The following SLC39A14 variants were observed in gnomAD, a reference collection of about 807,000 sequenced individuals.
The protein encoded by SLC39A14 is metal cation symporter ZIP14.
Under a neutral mutation model 45.5 loss-of-function variants are expected in SLC39A14, and 19 were observed. The ratio of observed to expected loss-of-function variants is 0.42; its 90% CI spans 0.29 to 0.61. SLC39A14 has a LOEUF of 0.61. Ranked by LOEUF, SLC39A14 falls within the 20% of genes least tolerant of loss-of-function variation. SLC39A14 has a pLI of 0.22. For synonymous variants in SLC39A14, 264 were observed against 251.3 expected (o/e 1.05, Z -0.48); for missense variants, 447 against 616.5 (o/e 0.73, Z 2.91).
At chr8:22,398,602 T>C in intron 1 of SLC39A14, 1 of 422,732 alleles carries the variant, frequency 2.4e-6, no homozygotes, top group Non-Finnish European at 3.2e-6. Context: ...TGAGGCCTTG[T>C]TGGTTTCTGT....
At chr8:22,429,646 A>C (rs1167893742) in intron 8 of SLC39A14, among the ~76,000 whole-genome samples, 1 of 152,222 alleles carries the variant, frequency 6.6e-6, no homozygotes, top group Non-Finnish European at 1.5e-5. Flanking sequence ...GAGGTAGACG[A>C]GAAGGGAATG....
rs1029764680 is a variant in SLC39A14, at chr8:22,415,657, G to A, written c.751-112G>A. 197 of 968,298 alleles carry A rather than the reference G, an allele frequency of 2.0e-4. 2 individuals carry two copies. The Middle Eastern group carries it at 2.2e-3, about 11-fold the overall frequency. The allele number at this position is 968,298 out of a possible 1,614,324, so 60.0% of individuals were successfully genotyped here. ...CACGTGACCTGCTTGTGTCATCTTC[G>A]ATGGTAAGGCTGAGGTCTTCCAGTG... On this transcript the variant is annotated intron_variant, in intron 5 of 8. Transcript: ENST00000381237.
At chr8:22,381,385 C>T (rs1176532529) in intron 1 of SLC39A14, among the ~76,000 whole-genome samples, 1 of 152,156 alleles carries the variant, frequency 6.6e-6, no homozygotes, top group Non-Finnish European at 1.5e-5. Flanking sequence ...ATTCTCCTGC[C>T]TCAGCCTCCC....
intron 8 of SLC39A14, among the ~76,000 whole-genome samples, chr8:22,430,185 C>G (rs1469288684): frequency 6.6e-6 from 1 of 151,450 alleles, no homozygotes; most frequent in Non-Finnish European, 1.5e-5. Flanking sequence ...ACTGCAGCTT[C>G]AAACTCCTGG....
intron 1 of SLC39A14, among the ~76,000 whole-genome samples, chr8:22,385,610 C>G (rs1184062412): frequency 2.0e-5 from 3 of 152,120 alleles, no homozygotes; most frequent in Non-Finnish European, 4.4e-5. Context: ...GTGGCTGGAG[C>G]CCAGTGAGTG....
In SLC39A14 at chr8:22,421,792, A is replaced by G. The variant is rs888688247; in HGVS notation, c.*2094A>G. The G allele has an allele frequency of 1.0e-6, 1 of 983,832 alleles. No individual in the cohort carries two copies. The highest frequency in any genetic ancestry group is 1.2e-6 in the Non-Finnish European group (1 of 828,428). The allele number at this position is 983,832 out of a possible 1,614,324, so 60.9% of individuals were successfully genotyped here. ...TGGAGTAGAATACTAAGTTAGAGTTAGTGGATTTCTAGTTTAGGAGAGGAG... is the reference window on the plus strand; with the variant it reads ...TGGAGTAGAATACTAAGTTAGAGTTGGTGGATTTCTAGTTTAGGAGAGGAG... On this transcript the variant is annotated 3_prime_UTR_variant, in exon 9 of 9. Transcript: ENST00000381237.
chr8:22,411,487 T>G (rs1835563546), intron 3 of SLC39A14, among the ~76,000 whole-genome samples: 1 of 152,252 alleles, frequency 6.6e-6, no homozygotes, highest in Non-Finnish European at 1.5e-5. Context: ...GGTTGTGTCT[T>G]GCACAAAGCA....
rs182753747 is a variant in SLC39A14, at chr8:22,401,409, T to A, written c.-15-3287T>A. Among the ~76,000 whole-genome samples the A allele has an allele frequency of 2.6e-5, 4 of 152,306 alleles. No individual in the cohort carries two copies. The East Asian group carries it at 7.7e-4, about 29-fold the overall frequency. On this transcript the variant is annotated intron_variant, in intron 1 of 8. Coordinates refer to ENST00000381237, the MANE Select transcript of SLC39A14 (RefSeq NM_001128431.4). The stretch of plus-strand genomic sequence containing the variant: ...GAGACTCATTTTCCCCTCTGGATAA[T>A]TTGTTTAGATCACTAATTAAATTAT...
chr8:22,419,584 T>G lies in SLC39A14; in HGVS notation c.1365T>G (p.Asp455Glu). Residue 455 changes from aspartate (D) to glutamate (E), a missense_variant, in exon 9 of 9, where the codon GAT (aspartate) becomes GAG (glutamate). Asp to Glu is a conservative substitution (Grantham distance 45). This residue lies in a region of SLC39A14 where 105 missense variants were observed against 188.4 expected (regional missense o/e 0.56). Coordinates refer to ENST00000381237, the MANE Select transcript of SLC39A14 (RefSeq NM_001128431.4). Reference sequence around the variant, plus strand: ...AGATGAATGAGGTCTGTCAAGAGGATGAAAGGAAGGGCAGCATCTTGATTC... The same window carrying G: ...AGATGAATGAGGTCTGTCAAGAGGAGGAAAGGAAGGGCAGCATCTTGATTC... ...FPEMNEVCQE[D>E]ERKGSILIPF... 1.9e-6 allele frequency: 3 copies of G among 1,614,036 alleles called. No individual in the cohort carries two copies. Among genetic ancestry groups the G allele is most frequent in the Non-Finnish European group, 2.5e-6 (3 of 1,179,982 alleles).
intron 5 of SLC39A14, 58 bp downstream of exon 5, chr8:22,414,960 A>G (rs1192937604): frequency 1.9e-6 from 3 of 1,581,134 alleles, no homozygotes; most frequent in Non-Finnish European, 2.6e-6. Context: ...ATCTCAAACA[A>G]TGTTGATGTA....
At position 22,422,672 on chromosome 8, in the gene SLC39A14, G is replaced by A; in HGVS notation, c.*2974G>A. The A allele has an allele frequency of 1.0e-6, 1 of 984,668 alleles. No homozygotes were observed. The highest frequency in any genetic ancestry group is 1.2e-6 in the Non-Finnish European group (1 of 829,272). The allele number at this position is 984,668 out of a possible 1,614,324, so 61.0% of individuals were successfully genotyped here. ...GATTCTATAAATAAAGCTATATTCT[G>A]TAATTGTTGAGAATCCCACGGGTGA... On this transcript the variant is annotated 3_prime_UTR_variant, in exon 9 of 9. Transcript: ENST00000381237.
chr8:22,386,500 C>T (rs1490042696), intron 1 of SLC39A14, among the ~76,000 whole-genome samples: 1 of 152,200 alleles, frequency 6.6e-6, no homozygotes, highest in Non-Finnish European at 1.5e-5. Context: ...CTTCTGACCT[C>T]AGGTGATCCA....
At chr8:22,430,989 CTCTTTTTTT>C (rs1186108006) in intron 8 of SLC39A14, among the ~76,000 whole-genome samples, 5 of 148,026 alleles carry the variant, frequency 3.4e-5, no homozygotes, top group Admixed American at 6.7e-5. Context: ...TCCCAATTCC[CTCTTTTTTT>C]TTTTTTTTTG....
At position 22,410,468 on chromosome 8, in the gene SLC39A14, G is replaced by T. The variant is rs974789939; in HGVS notation, c.458-1569G>T. Among the ~76,000 whole-genome samples the T allele has an allele frequency of 2.6e-4, 39 of 149,180 alleles. 1 individual carries two copies. Among genetic ancestry groups the T allele is most frequent in the Non-Finnish European group, 1.5e-5 (1 of 68,022 alleles). Reference sequence around the variant, plus strand: ...GTGCTAAGTACTTGCTCTATTCTAAGGAGAAATCCTGGCAGTACTCAGGTC... The same window carrying T: ...GTGCTAAGTACTTGCTCTATTCTAATGAGAAATCCTGGCAGTACTCAGGTC... On this transcript the variant is annotated intron_variant, in intron 3 of 8. Coordinates refer to ENST00000381237, the MANE Select transcript of SLC39A14 (RefSeq NM_001128431.4).
intron 8 of SLC39A14, 72 bp downstream of exon 8, chr8:22,417,907 AT>A: frequency 7.6e-7 from 1 of 1,319,518 alleles, no homozygotes; most frequent in Non-Finnish European, 1.0e-6. Flanking sequence ...GTTTTTTTTT[AT>A]TTTTATTTTT....
intron 1 of SLC39A14, among the ~76,000 whole-genome samples, chr8:22,373,927 T>G (rs1378250935): frequency 6.6e-6 from 1 of 152,014 alleles, no homozygotes; most frequent in African/African-American, 2.4e-5. Flanking sequence ...CCCAGCTAAT[T>G]TTTTGTATTT....
chr8:22,411,887 C>CTTTTTTTT, intron 3 of SLC39A14, 150 bp from the exon 4 acceptor site: 1 of 652,444 alleles, frequency 1.5e-6, no homozygotes, highest in Non-Finnish European at 2.5e-6. Flanking sequence ...TCTGATTTTT[C>CTTTTTTTT]TTTTTTGTTC....
chr8:22,411,954 C>A, intron 3 of SLC39A14, 83 bp from the exon 4 acceptor site: 2 of 1,315,586 alleles, frequency 1.5e-6, no homozygotes, highest in South Asian at 1.5e-5. Flanking sequence ...ACCTTCCTCC[C>A]GCTAAATGGT....
At chr8:22,433,540 C>CTTT (rs555154342) in intron 8 of SLC39A14, among the ~76,000 whole-genome samples, 105 of 118,206 alleles carry the variant, frequency 8.9e-4, no homozygotes, top group African/African-American at 2.4e-3. Context: ...TTATTTTATG[C>CTTT]TTTTTTTTTT....
Sources: allele counts gnomAD v4.1 joint callset (sites outside exome capture counted in the v4.1 genomes callset), GRCh38; gene constraint gnomAD v4.1.1; regional missense constraint gnomAD v4.1.1; transcripts MANE v1.5; gene names NCBI Gene and HGNC (gene_info 2026-07-23, HGNC 2026-07-21).